Variants in NCOR2 observed in about 807,000 individuals in gnomAD.
NCOR2 encodes nuclear receptor corepressor 2, also known as CTG repeat protein 26.
In NCOR2, 81 loss-of-function variants were observed where a neutral mutation model predicts 262.9. The observed-to-expected ratio is 0.31, with a 90% CI of 0.26 to 0.37. NCOR2 has a LOEUF of 0.37. Ranked by LOEUF, NCOR2 falls within the 10% of genes least tolerant of loss-of-function variation. The pLI is 1.00. For synonymous variants in NCOR2, 1,659 were observed against 1,559.3 expected (o/e 1.06, Z -1.51); for missense variants, 3,385 against 3,621.4 (o/e 0.93, Z 1.68).
At chr12:124,326,947 C>A (rs1469031954) in intron 45 of NCOR2, among the ~76,000 whole-genome samples, 1 of 152,202 alleles carries the variant, frequency 6.6e-6, no homozygotes, top group Non-Finnish European at 1.5e-5. Context: ...AGACCCTGGG[C>A]TCCTCCCCAC....
At chr12:124,380,376 G>T (rs542833289) in intron 17 of NCOR2, among the ~76,000 whole-genome samples, 1 of 152,348 alleles carries the variant, frequency 6.6e-6, no homozygotes, top group South Asian at 2.1e-4. Context: ...ACGACTGCTC[G>T]TCCGTTAGTC....
intron 17 of NCOR2, among the ~76,000 whole-genome samples, chr12:124,384,913 GTGC>G: frequency 6.6e-6 from 1 of 152,058 alleles, no homozygotes; most frequent in Non-Finnish European, 1.5e-5. Context: ...AAGAGCGTGG[GTGC>G]TGATCTCATA....
At chr12:124,405,627 T>C (rs573132356) in intron 13 of NCOR2, among the ~76,000 whole-genome samples, 8 of 152,276 alleles carry the variant, frequency 5.3e-5, no homozygotes, top group Non-Finnish European at 1.2e-4. Context: ...GCCTTAATGA[T>C]GAACATCTGC....
intron 1 of NCOR2, among the ~76,000 whole-genome samples, chr12:124,490,673 C>T (rs2048037106): frequency 1.3e-5 from 2 of 152,228 alleles, no homozygotes; most frequent in Admixed American, 6.5e-5. Flanking sequence ...CAAGTCTAGC[C>T]TCTTCCAGTG....
exon 24 of NCOR2, chr12:124,355,484 G>T (rs1307578131): frequency 6.2e-7 from 1 of 1,612,130 alleles, no homozygotes; most frequent in African/African-American, 1.3e-5. Context: ...CTTGGCAGAG[G>T]AGATGAGGGG....
chr12:124,537,121 G>A (rs1197479535), upstream of NCOR2, among the ~76,000 whole-genome samples: 1 of 152,196 alleles, frequency 6.6e-6, no homozygotes, highest in African/African-American at 2.4e-5. Context: ...TGCAGAGGTA[G>A]TCAAATACAA....
At chr12:124,505,478 G>A (rs1342384350) in intron 1 of NCOR2, among the ~76,000 whole-genome samples, 1 of 152,176 alleles carries the variant, frequency 6.6e-6, no homozygotes, top group Admixed American at 6.5e-5. Flanking sequence ...TATGGAGGCT[G>A]TGGGCTGAGC....
intron 1 of NCOR2, among the ~76,000 whole-genome samples, chr12:124,558,294 T>C (rs1241345196): frequency 1.0e-5 from 1 of 99,000 alleles, no homozygotes; most frequent in African/African-American, 3.7e-5. Context: ...GCCCAAGGTC[T>C]CCCCAGCCCC....
intron 13 of NCOR2, among the ~76,000 whole-genome samples, chr12:124,419,187 A>G (rs1313110453): frequency 6.6e-6 from 1 of 152,112 alleles, no homozygotes; most frequent in Non-Finnish European, 1.5e-5. Flanking sequence ...TTTACTGGAT[A>G]TTTTTTCAAA....
At chr12:124,473,839 C>T (rs1405897254) in intron 3 of NCOR2, among the ~76,000 whole-genome samples, 1 of 152,154 alleles carries the variant, frequency 6.6e-6, no homozygotes, top group Non-Finnish European at 1.5e-5. Flanking sequence ...CTCCCCAATA[C>T]ACCCCGGGTT....
At position 124,350,723 on chromosome 12, in the gene NCOR2, G is replaced by A. The variant is rs779568128; in HGVS notation, c.3708C>T (p.Asp1236=). 3.7e-6 allele frequency: 6 copies of A among 1,611,588 alleles called. No homozygotes were observed. The South Asian group carries it at 4.4e-5, about 12-fold the overall frequency. The change falls in exon 28 of 47, where the codon GAC becomes GAT. Residue 1236 remains aspartate, a synonymous_variant. Coordinates refer to ENST00000405201, the Ensembl canonical transcript of NCOR2. The stretch of plus-strand genomic sequence containing the variant: ...TGGTGATGGTGCCCTTGTACAGGAC[G>A]TCAGCTGGCGTGCCCTGCAGGTGCA...
At chr12:124,422,202 G>A (rs1313633607) in intron 12 of NCOR2, among the ~76,000 whole-genome samples, 4 of 152,204 alleles carry the variant, frequency 2.6e-5, no homozygotes, top group South Asian at 2.1e-4. Flanking sequence ...GAGACCCGTC[G>A]GGCACACGGG....
At chr12:124,337,046 C>G in exon 38 of NCOR2, 1 of 1,495,194 alleles carries the variant, frequency 6.7e-7, no homozygotes, top group Non-Finnish European at 8.9e-7. Flanking sequence ...CCGGGCGACC[C>G]GGGGGGCCTC....
At chr12:124,393,881 G>A (rs2041483892) in intron 16 of NCOR2, among the ~76,000 whole-genome samples, 1 of 152,272 alleles carries the variant, frequency 6.6e-6, no homozygotes, top group African/African-American at 2.4e-5. Flanking sequence ...GCTCCACGGT[G>A]TTACTGGGTG....
chr12:124,334,429 GC>G lies in NCOR2; in HGVS notation c.6599del (p.Gly2200AlafsTer29). The G allele has an allele frequency of 1.3e-6, 2 of 1,508,600 alleles. No homozygotes were observed. The highest frequency in any genetic ancestry group is 1.8e-6 in the Non-Finnish European group (2 of 1,130,736). 93.5% of individuals were successfully genotyped at this position (1,508,600 alleles called of 1,614,324 possible). ...CACCCCCATCCCTCGCTCACCTCTT[GC>G]CCCCTTCGCTGTGGGGGGAGCCACG... On this transcript the variant is annotated frameshift_variant, in exon 41 of 47. Coordinates refer to ENST00000405201, the Ensembl canonical transcript of NCOR2. LOFTEE classifies it high-confidence loss of function.
rs780594228 is a variant in NCOR2 at position 124,350,580 on chromosome 12, G to A, written c.3844+7C>T. On this transcript the variant is annotated splice_region_variant and intron_variant, in intron 28 of 46. Transcript: ENST00000405201. ...GGTCCTGGGCCTCCTCTCCTCCTGC[G>A]ACTCACCCTCATAGGACAAGACGTG... The A allele has an allele frequency of 4.3e-6, 7 of 1,611,042 alleles. No homozygotes were observed. The highest frequency in any genetic ancestry group is 3.3e-5 in the Admixed American group (2 of 59,846).
chr12:124,476,844 T>C (rs1474289408), intron 3 of NCOR2, among the ~76,000 whole-genome samples: 3 of 149,908 alleles, frequency 2.0e-5, no homozygotes, highest in African/African-American at 7.5e-5. Flanking sequence ...GGCAGGAGGA[T>C]TGCTTGAGCC....
At chr12:124,325,376 C>CGGGGGGGGGG in exon 47 of NCOR2, 3 of 426,506 alleles carry the variant, frequency 7.0e-6, no homozygotes, top group Non-Finnish European at 1.0e-5. Context: ...GACCTGACAC[C>CGGGGGGGGGG]GCCCCCCCCC....
chr12:124,355,119 G>A (rs1211395416), intron 24 of NCOR2, 180 bp from the exon 27 acceptor site: 2 of 627,054 alleles, frequency 3.2e-6, no homozygotes, highest in Non-Finnish European at 5.5e-6. Context: ...CCCTGTGAAG[G>A]GGCCATGCCC....
Sources: gnomAD v4.1 joint callset for allele counts (sites outside exome capture counted in the v4.1 genomes callset) on GRCh38, gnomAD v4.1.1 for gene constraint, MANE v1.5 for transcripts, NCBI Gene and HGNC (gene_info 2026-07-23, HGNC 2026-07-21) for gene names.